The following SAMD12 variants were observed in gnomAD, a reference collection of about 807,000 sequenced individuals.
The protein encoded by SAMD12 is sterile alpha motif domain containing 12.
In SAMD12, 9 loss-of-function variants were observed where a neutral mutation model predicts 15.0. The ratio of observed to expected loss-of-function variants is 0.60; its 90% CI spans 0.36 to 1.05. The LOEUF (loss-of-function observed/expected upper bound fraction) is 1.05. Ranked by LOEUF, SAMD12 falls within the 50% of genes least tolerant of loss-of-function variation. SAMD12 has a pLI of 0.01. For synonymous variants in SAMD12, 86 were observed against 90.1 expected (o/e 0.96, Z 0.25); for missense variants, 230 against 234.2 (o/e 0.98, Z 0.12).
At position 118,398,690 on chromosome 8, in the gene SAMD12, G is replaced by A. The variant is rs1031295074; in HGVS notation, c.323-18990C>T. On this transcript the variant is annotated intron_variant, in intron 3 of 3. Transcript: ENST00000314727. ...TGACAAAGTAGATCAGTGGAATTGG[G>A]GGAGAAAGGTTGTGAAGAGAGAGTT... Among the ~76,000 whole-genome samples the A allele has an allele frequency of 3.4e-4, 52 of 152,054 alleles. 1 individual carries two copies. The highest frequency in any genetic ancestry group is 2.9e-5 in the Non-Finnish European group (2 of 68,034).
intron 3 of SAMD12, among the ~76,000 whole-genome samples, chr8:118,388,232 G>A (rs527578263): frequency 3.3e-5 from 5 of 152,230 alleles, no homozygotes; most frequent in African/African-American, 4.8e-5. Flanking sequence ...GGCTATACTC[G>A]CCATTTCATG....
At chr8:118,158,858 A>G in the SAMD12 span, among the ~76,000 whole-genome samples, 1 of 152,108 alleles carries the variant, frequency 6.6e-6, no homozygotes, top group Non-Finnish European at 1.5e-5. Context: ...AGCTGAACAG[A>G]CATTGAGACA....
chr8:118,396,300 G>A (rs1312841497), intron 3 of SAMD12, among the ~76,000 whole-genome samples: 1 of 152,010 alleles, frequency 6.6e-6, no homozygotes, highest in African/African-American at 2.4e-5. Flanking sequence ...GTTAAATTAG[G>A]CAGTAAATTA....
chr8:118,470,386 G>A (rs1199964625), intron 2 of SAMD12, among the ~76,000 whole-genome samples: 1 of 152,106 alleles, frequency 6.6e-6, no homozygotes, highest in African/African-American at 2.4e-5. Flanking sequence ...AAACTTAGCT[G>A]CTTTGGAAGC....
chr8:118,425,914 C>T (rs987257850), intron 3 of SAMD12, among the ~76,000 whole-genome samples: 4 of 152,170 alleles, frequency 2.6e-5, no homozygotes, highest in Non-Finnish European at 5.9e-5. Flanking sequence ...GAATGGGTCT[C>T]CTGTTCTCCC....
chr8:118,572,269 C>T (rs533778804), intron 2 of SAMD12, among the ~76,000 whole-genome samples: 2 of 152,170 alleles, frequency 1.3e-5, no homozygotes, highest in Non-Finnish European at 2.9e-5. Context: ...AAGTAACTAA[C>T]CTGCTTTTGA....
chr8:118,233,260 G>A (rs191237402), intron 4 of SAMD12, among the ~76,000 whole-genome samples: 1 of 152,274 alleles, frequency 6.6e-6, no homozygotes, highest in East Asian at 1.9e-4. Flanking sequence ...TATATTTCTA[G>A]AAACTGTAAC....
At chr8:118,575,671 C>G (rs1827129465) in intron 2 of SAMD12, among the ~76,000 whole-genome samples, 1 of 152,108 alleles carries the variant, frequency 6.6e-6, no homozygotes, top group South Asian at 2.1e-4. Context: ...ACGCTCAAAG[C>G]TCTGACTCCA....
chr8:118,578,426 C>A (rs1377249292), intron 2 of SAMD12, among the ~76,000 whole-genome samples: 1 of 152,178 alleles, frequency 6.6e-6, no homozygotes, highest in African/African-American at 2.4e-5. Context: ...TATTATCAAG[C>A]TTGTCATCCA....
intron 2 of SAMD12, among the ~76,000 whole-genome samples, chr8:118,495,556 T>TC (rs1369753778): frequency 1.5e-5 from 2 of 133,906 alleles, no homozygotes. Context: ...CATGTAGGCT[T>TC]TTTTTTTTTT....
intron 2 of SAMD12, among the ~76,000 whole-genome samples, chr8:118,561,660 C>T (rs1461884214): frequency 1.3e-5 from 2 of 152,164 alleles, no homozygotes; most frequent in Non-Finnish European, 2.9e-5. Context: ...ACAAGAACAG[C>T]ACGGAGATAA....
the SAMD12 span, among the ~76,000 whole-genome samples, chr8:118,144,512 A>C: frequency 6.6e-6 from 1 of 152,154 alleles, no homozygotes; most frequent in African/African-American, 2.4e-5. Context: ...GTAAATAAAA[A>C]TTTATTAATT....
At chr8:118,285,454 A>C (rs112941646) in intron 4 of SAMD12, among the ~76,000 whole-genome samples, 8 of 152,336 alleles carry the variant, frequency 5.3e-5, no homozygotes, top group East Asian at 1.9e-4. Flanking sequence ...GTTGTCATTA[A>C]AAAATAAGGA....
At chr8:118,353,382 C>T (rs995246401) in intron 4 of SAMD12, among the ~76,000 whole-genome samples, 3 of 151,732 alleles carry the variant, frequency 2.0e-5, no homozygotes, top group Admixed American at 6.6e-5. Context: ...TATTTGGAAA[C>T]AGGGCTTTAG....
chr8:118,397,878 G>A (rs943880467), intron 3 of SAMD12, among the ~76,000 whole-genome samples: 5 of 152,156 alleles, frequency 3.3e-5, no homozygotes, highest in South Asian at 2.1e-4. Context: ...CTTCATCTTC[G>A]ACTTCCTGGG....
intron 4 of SAMD12, among the ~76,000 whole-genome samples, chr8:118,286,821 C>G (rs1814052077): frequency 6.6e-6 from 1 of 152,186 alleles, no homozygotes; most frequent in Non-Finnish European, 1.5e-5. Flanking sequence ...ACGCCCACCA[C>G]AGCATCTACA....
chr8:118,217,876 G>C (rs1811999398), intron 4 of SAMD12, among the ~76,000 whole-genome samples: 1 of 152,246 alleles, frequency 6.6e-6, no homozygotes, highest in Middle Eastern at 3.4e-3. Flanking sequence ...CTGATTTCTG[G>C]ATGTGCTGTT....
intron 4 of SAMD12, among the ~76,000 whole-genome samples, chr8:118,199,187 T>C (rs1426192289): frequency 6.6e-6 from 1 of 152,236 alleles, no homozygotes; most frequent in Non-Finnish European, 1.5e-5. Context: ...ACTGTCATCA[T>C]AGTATTTTGC....
intron 2 of SAMD12, among the ~76,000 whole-genome samples, chr8:118,465,493 C>T (rs1404630470): frequency 6.6e-6 from 1 of 152,098 alleles, no homozygotes; most frequent in Non-Finnish European, 1.5e-5. Context: ...CAGTTGTCTT[C>T]TTGTTATTCT....
Sources: allele counts gnomAD v4.1 joint callset (sites outside exome capture counted in the v4.1 genomes callset), GRCh38; gene constraint gnomAD v4.1.1; transcripts MANE v1.5; gene names NCBI Gene and HGNC (gene_info 2026-07-23, HGNC 2026-07-21).